The following TRPV5 variants were observed in gnomAD, a reference collection of about 807,000 sequenced individuals.
TRPV5 encodes the protein calcium transport protein 2.
TRPV5 carries 66 observed loss-of-function variants against 74.1 expected under a neutral mutation model. That is an observed-to-expected ratio of 0.89 (90% CI 0.73 to 1.09). The LOEUF is 1.09. TRPV5 is among the 50% of genes least tolerant of loss of function. TRPV5 has a pLI of 0.00. For synonymous variants in TRPV5, 399 were observed against 360.7 expected, an observed-to-expected ratio of 1.11 and a Z score of -1.20; for missense variants, 936 against 930.4, an observed-to-expected ratio of 1.01 and a Z score of -0.08.
chr7:142,931,017 A>ATTTTTTTTTTTTTTTTTTTT (rs35738386), intron 1 of TRPV5, among the ~76,000 whole-genome samples: 3 of 100,340 alleles, frequency 3.0e-5, no homozygotes, highest in African/African-American at 4.0e-5. Flanking sequence ...CCCTCAGGCT[A>ATTTTTTTTTTTTTTTTTTTT]TTTTTTTTTT....
chr7:142,924,018 C>T (rs889788624), intron 8 of TRPV5, among the ~76,000 whole-genome samples: 1 of 151,924 alleles, frequency 6.6e-6, no homozygotes, highest in South Asian at 2.1e-4. Flanking sequence ...TTCTCAATTT[C>T]TAATCACTCC....
chr7:142,933,501 G>A lies in TRPV5; in HGVS notation c.-42C>T, dbSNP rs199853023. ...CACTGGCAGATTATAGAAATGTGGC[G>A]AAAGAAACAGGTCTAGGATGACAGC... On this transcript the variant is annotated 5_prime_UTR_variant, in exon 1 of 15. Coordinates refer to ENST00000265310, the MANE Select transcript of TRPV5 (RefSeq NM_019841.7). 8.3e-5 allele frequency: 132 copies of A among 1,597,860 alleles called. No homozygotes were observed. The highest frequency in any genetic ancestry group is 2.0e-4 in the East Asian group (9 of 44,762).
At chr7:142,927,451 G>A (rs1756336940) in intron 7 of TRPV5, among the ~76,000 whole-genome samples, 4 of 152,206 alleles carry the variant, frequency 2.6e-5, no homozygotes, top group Admixed American at 2.6e-4. Context: ...ACCTGGCACA[G>A]GGTAATTTAT....
rs1276190366 is a variant in TRPV5 at position 142,912,492 on chromosome 7, C to T, written c.1778G>A (p.Trp593Ter). The T allele has an allele frequency of 1.2e-6, 2 of 1,613,796 alleles. No individual in the cohort carries two copies. Among genetic ancestry groups the T allele is most frequent in the African/African-American group, 2.7e-5 (2 of 74,932 alleles). The change falls in exon 13 of 15, where the codon TGG becomes TAG. Residue 593 changes from tryptophan to a stop codon, truncating the protein, a stop_gained. Coordinates refer to ENST00000265310, the MANE Select transcript of TRPV5 (RefSeq NM_019841.7). LOFTEE classifies it high-confidence loss of function. ...WRVAQERDEL[W>*]RAQVVATTVM... is the part of the protein sequence containing the mutation. ...CACAAATAAACTCACCTGGGCCCTC[C>T]AGAGCTCATCCCTCTCCTGGGCCAC...
At position 142,908,828 on chromosome 7, in the gene TRPV5, A is replaced by G. The variant is rs1449071669; in HGVS notation, c.1896-20T>C. On this transcript the variant is annotated intron_variant, in intron 14 of 14. Coordinates refer to ENST00000265310, the MANE Select transcript of TRPV5 (RefSeq NM_019841.7). ...TCAACCCTGATAAGGGGAAAGGGGA[A>G]AGGACTCAATCCAGGTGGGGAGACA... is the stretch of plus-strand genomic sequence containing the variant. 6.2e-7 allele frequency: 1 copy of G among 1,601,540 alleles called. No homozygotes were observed. Among genetic ancestry groups the G allele is most frequent in the Non-Finnish European group, 8.5e-7 (1 of 1,173,402 alleles).
chr7:142,916,339 C>T (rs1795798075), intron 8 of TRPV5, among the ~76,000 whole-genome samples: 1 of 152,136 alleles, frequency 6.6e-6, no homozygotes, highest in South Asian at 2.1e-4. Context: ...ATGAAGACCA[C>T]CCTACTTCAA....
At position 142,929,513 on chromosome 7, in the gene TRPV5, A is replaced by C. The variant is rs751979993; in HGVS notation, c.402T>G (p.Arg134=). ...CACTGGCCCTGCGGGTGAGCAGGGC[A>C]CGCACCAGGTTCACATTCTGGTTCA... ...AVVNQNVNLV[R]ALLTRRASVS... is the part of the protein sequence containing the mutation. The change falls in exon 4 of 15, where the codon CGT becomes CGG. Residue 134 remains arginine, a synonymous_variant. Coordinates refer to ENST00000265310, the MANE Select transcript of TRPV5 (RefSeq NM_019841.7). 3.1e-6 allele frequency: 5 copies of C among 1,614,124 alleles called. No individual in the cohort carries two copies. The highest frequency in any genetic ancestry group is 3.3e-5 in the Admixed American group (2 of 60,030).
chr7:142,930,016 A>G, intron 3 of TRPV5, 42 bp downstream of exon 3: 1 of 1,613,522 alleles, frequency 6.2e-7, no homozygotes, highest in South Asian at 1.1e-5. Flanking sequence ...CACACCCTCC[A>G]TCTCAAAGTT....
intron 14 of TRPV5, among the ~76,000 whole-genome samples, chr7:142,909,195 A>G (rs540150376): frequency 6.6e-6 from 1 of 152,240 alleles, no homozygotes; most frequent in Non-Finnish European, 1.5e-5. Flanking sequence ...ATGAGGGCAG[A>G]ATATGAAGGA....
chr7:142,912,626 G>A lies in TRPV5; in HGVS notation c.1644C>T (p.Asp548=), dbSNP rs751587914. The part of the protein sequence containing the change: ...LTVIDAPANY[D]VDLPFMFSIV... ...TGCTGAACATGAAGGGCAAGTCCAC[G>A]TCGTAGTTGGCAGGTGCATCAATAA... The change falls in exon 13 of 15, where the codon GAC becomes GAT. Residue 548 remains aspartate (D), a synonymous_variant. Coordinates refer to ENST00000265310, the MANE Select transcript of TRPV5 (RefSeq NM_019841.7). The A allele has an allele frequency of 1.4e-5, 22 of 1,614,096 alleles. No homozygotes were observed. The highest frequency in any genetic ancestry group is 4.4e-5 in the South Asian group (4 of 91,096).
At chr7:142,912,877 T>C (rs1795726372) in intron 12 of TRPV5, 127 bp from the exon 13 acceptor site, 1 of 1,119,134 alleles carries the variant, frequency 8.9e-7, no homozygotes, top group Non-Finnish European at 1.3e-6. Flanking sequence ...TCTATCTATC[T>C]ATCTAAATAC....
At chr7:142,910,982 G>A (rs1795693552) in intron 13 of TRPV5, among the ~76,000 whole-genome samples, 1 of 152,122 alleles carries the variant, frequency 6.6e-6, no homozygotes, top group South Asian at 2.1e-4. Flanking sequence ...ATTCAACGAT[G>A]TGCCTATGAC....
chr7:142,929,612 C>G (rs1380074986), intron 3 of TRPV5, 47 bp from the exon 4 acceptor site: 3 of 1,598,050 alleles, frequency 1.9e-6, no homozygotes, highest in African/African-American at 2.7e-5. Flanking sequence ...GTCCCCAGTT[C>G]TCTCAGGGAC....
rs776874808 is a variant in TRPV5, at chr7:142,929,083, G to T, written c.525C>A (p.Ser175Arg). 6.2e-7 allele frequency: 1 copy of T among 1,614,036 alleles called. No individual in the cohort carries two copies. The highest frequency in any genetic ancestry group is 8.5e-7 in the Non-Finnish European group (1 of 1,180,004). Residue 175 changes from serine to arginine, a missense_variant, in exon 5 of 15, where the codon AGC becomes AGA. Ser to Arg is a moderately radical substitution (Grantham distance 110). Coordinates refer to ENST00000265310, the MANE Select transcript of TRPV5 (RefSeq NM_019841.7). Reference sequence around the variant, plus strand: ...CAATGAGCAGCCGCACGATCTCCTCGCTGTTCACACAGGCAGCAAAGGACA... The same window carrying T: ...CAATGAGCAGCCGCACGATCTCCTCTCTGTTCACACAGGCAGCAAAGGACA... ...HPLSFAACVN[S>R]EEIVRLLIEH...
intron 1 of TRPV5, 133 bp from the exon 2 acceptor site, chr7:142,930,579 C>A: frequency 1.4e-6 from 1 of 718,144 alleles, no homozygotes; most frequent in Non-Finnish European, 2.4e-6. Flanking sequence ...AAAGAAGTGC[C>A]TACTGGACTC....
intron 7 of TRPV5, 141 bp downstream of exon 7, chr7:142,927,947 A>G: frequency 3.0e-6 from 3 of 1,000,090 alleles, no homozygotes; most frequent in Non-Finnish European, 4.4e-6. Context: ...ACTTTCCCCC[A>G]TGTCCCAGGA....
rs769577581 is a variant in TRPV5 at position 142,928,252 on chromosome 7, T to C, written c.763-18A>G. 2.5e-6 allele frequency: 4 copies of C among 1,614,028 alleles called. No homozygotes were observed. In the African/African-American group the frequency reaches 4.0e-5, roughly 16 times the overall value. On this transcript the variant is annotated intron_variant, in intron 6 of 14. Coordinates refer to ENST00000265310, the MANE Select transcript of TRPV5 (RefSeq NM_019841.7). ...TGGAACATCTGAGAGACCACCAGGA[T>C]GAGTCAGGGGGCCAACGTGTGAGAA... is the stretch of plus-strand genomic sequence containing the variant.
Position 142,924,295 on chromosome 7 carries a change from TATATACATATATATATACACAC to T in TRPV5, c.1122+1212_1122+1233del, listed in dbSNP as rs1795938280. ...ATATATATATACATATACATGTATA[TATATACATATATATATACACAC>T]ATATACATGTATATATATACATATA... On this transcript the variant is annotated intron_variant, in intron 8 of 14. Transcript: ENST00000265310. 1.2e-4 allele frequency among the ~76,000 whole-genome samples: 9 copies of T among 76,818 alleles called. 1 individual carries two copies. Among genetic ancestry groups the T allele is most frequent in the Non-Finnish European group, 1.6e-4 (6 of 36,516 alleles). The allele number at this position is 76,818 out of a possible 152,430, so 50.4% of individuals were successfully genotyped here.
chr7:142,930,153 A>G lies in TRPV5; in HGVS notation c.254T>C (p.Ile85Thr), dbSNP rs2116608986. Residue 85 changes from isoleucine (I) to threonine (T), a missense_variant, in exon 3 of 15, where the codon ATA (isoleucine) becomes ACA (threonine). Physicochemically the swap from Ile to Thr is moderately conservative, Grantham distance 89. Transcript: ENST00000265310. ...CTCCAAGTTGTCATAGAGGGCTGCT[A>G]TGTGCAGCGCCGTCTCCCCCAGGGC... is the stretch of plus-strand genomic sequence containing the variant. ...RGALGETALH[I>T]AALYDNLEAA... 6.2e-7 allele frequency: 1 copy of G among 1,614,140 alleles called. No homozygotes were observed. Among genetic ancestry groups the G allele is most frequent in the Non-Finnish European group, 8.5e-7 (1 of 1,180,012 alleles).
Sources: gnomAD v4.1 joint callset for allele counts (sites outside exome capture counted in the v4.1 genomes callset) on GRCh38, gnomAD v4.1.1 for gene constraint, MANE v1.5 for transcripts, NCBI Gene and HGNC (gene_info 2026-07-23, HGNC 2026-07-21) for gene names.